Variants in NYX observed in about 807,000 individuals in gnomAD.
NYX encodes nyctalopin.
For synonymous variants in NYX, 258 were observed against 245.7 expected (o/e 1.05, Z -0.47); for missense variants, 481 against 485.4 (o/e 0.99, Z 0.09).
Position 41,473,481 on chromosome X carries a change from G to A in NYX, c.23-10G>A. The A allele has an allele frequency of 2.1e-6, 2 of 972,027 alleles. No individual in the cohort carries two copies. Among genetic ancestry groups the A allele is most frequent in the Non-Finnish European group, 1.3e-6 (1 of 775,799 alleles). 80.1% of individuals were successfully genotyped at this position (972,027 alleles called of 1,213,427 possible). ...CTCCTTCCCGACTCCCCACCACCCT[G>A]TCCCCGCAGCGGTGGTCCTCGGCCT... is the stretch of plus-strand genomic sequence containing the variant. On this transcript the variant is annotated splice_polypyrimidine_tract_variant and intron_variant, in intron 2 of 2. Transcript: ENST00000378220.
intron 2 of NYX, among the ~76,000 whole-genome samples, chrX:41,463,476 G>T (rs1229149194): frequency 2.8e-5 from 3 of 106,134 alleles, no homozygotes; most frequent in African/African-American, 6.9e-5. Flanking sequence ...AGGCTGGAGT[G>T]CAGTGGCGCA....
At chrX:41,467,997 T>C (rs1176533469) in intron 2 of NYX, among the ~76,000 whole-genome samples, 2 of 111,539 alleles carry the variant, frequency 1.8e-5, no homozygotes, top group African/African-American at 6.5e-5. Context: ...TCCAGTAAAT[T>C]AGTTATTGCT....
Position 41,473,852 on chromosome X carries a change from G to A in NYX, c.384G>A (p.Ala128=). The A allele has an allele frequency of 1.8e-6, 2 of 1,104,320 alleles. No individual in the cohort carries two copies. Among genetic ancestry groups the A allele is most frequent in the Non-Finnish European group, 2.4e-6 (2 of 849,840 alleles). The allele number at this position is 1,104,320 out of a possible 1,213,427, so 91.0% of individuals were successfully genotyped here. A position where few individuals can be genotyped will look rare whatever the true frequency, so the allele number is the denominator to read the frequency against. Residue 128 remains alanine (A), a synonymous_variant, in exon 3 of 3, where the codon GCG becomes GCA. Coordinates refer to ENST00000378220, the MANE Select transcript of NYX (RefSeq NM_001378477.3). ...LRYLHARTFA[A]LSRLRRLDLA... ...ACCTGCACGCGCGCACCTTCGCGGC[G>A]CTCAGCCGCCTGCGCCGCCTAGACC...
At chrX:41,453,091 C>G (rs1468618227) in intron 2 of NYX, among the ~76,000 whole-genome samples, 4 of 112,518 alleles carry the variant, frequency 3.6e-5, no homozygotes, top group Non-Finnish European at 7.5e-5. Flanking sequence ...GGCTCAAGTT[C>G]TTTTAAAACA....
rs59383905 is a variant in NYX, at chrX:41,460,876, A to ATTTT, written c.23-12588_23-12585dup. Among the ~76,000 whole-genome samples, 155 of 24,752 alleles carry ATTTT rather than the reference A, an allele frequency of 6.3e-3. 8 individuals carry two copies. Among genetic ancestry groups the ATTTT allele is most frequent in the Non-Finnish European group, 7.0e-3 (102 of 14,518 alleles). 21.5% of individuals were successfully genotyped at this position (24,752 alleles called of 115,157 possible). ...ATGTAAGCGGAGTCACACAGTATGT[A>ATTTT]TTTTTTTTTTTTTTTTTTTTTTTTT... On this transcript the variant is annotated intron_variant, in intron 2 of 2. Coordinates refer to ENST00000378220, the MANE Select transcript of NYX (RefSeq NM_001378477.3).
At position 41,473,702 on chromosome X, in the gene NYX, C is replaced by T. The variant is rs1365940871; in HGVS notation, c.234C>T (p.Gly78=). ...GLRFLGERAF[G]TLPSLRRLSL... is the part of the protein sequence containing the mutation. ...GCTTCCTGGGCGAGCGAGCCTTCGG[C>T]ACGCTGCCGTCCTTGCGCCGCCTGT... is the stretch of plus-strand genomic sequence containing the variant. Residue 78 remains glycine, a synonymous_variant, in exon 3 of 3, where the codon GGC becomes GGT. Coordinates refer to ENST00000378220, the MANE Select transcript of NYX (RefSeq NM_001378477.3). 1 of 1,145,031 alleles carries T rather than the reference C, an allele frequency of 8.7e-7. No homozygotes were observed. The highest frequency in any genetic ancestry group is 1.2e-6 in the Non-Finnish European group (1 of 867,849). The allele number at this position is 1,145,031 out of a possible 1,213,427, so 94.4% of individuals were successfully genotyped here. A position where few individuals can be genotyped will look rare whatever the true frequency, so the allele number is the denominator to read the frequency against.
Position 41,466,384 on chromosome X carries a change from G to A in NYX, c.23-7107G>A, listed in dbSNP as rs184701926. ...TGTGGTGAACCGAGATTGCACCACC[G>A]CACTCCAGCCTGGGCAACGGAGAGA... is the stretch of plus-strand genomic sequence containing the variant. On this transcript the variant is annotated intron_variant, in intron 2 of 2. Coordinates refer to ENST00000378220, the MANE Select transcript of NYX (RefSeq NM_001378477.3). 2.6e-3 allele frequency among the ~76,000 whole-genome samples: 283 copies of A among 109,546 alleles called. 1 individual carries two copies. Among genetic ancestry groups the A allele is most frequent in the African/African-American group, 7.6e-3 (228 of 30,125 alleles).
In NYX at chrX:41,475,062, G is replaced by T; in HGVS notation, c.*163G>T. The T allele has an allele frequency of 1.0e-5, 5 of 491,333 alleles. No homozygotes were observed. Among genetic ancestry groups the T allele is most frequent in the Non-Finnish European group, 1.8e-5 (5 of 279,949 alleles). The allele number at this position is 491,333 out of a possible 1,213,427, so 40.5% of individuals were successfully genotyped here. On this transcript the variant is annotated 3_prime_UTR_variant, in exon 3 of 3. Transcript: ENST00000378220. ...GGGAGAACACAGGGACGTGCCACTC[G>T]AGGGGGAGGATGGTATGGATTTCTG...
Position 41,473,664 on chromosome X carries a change from C to T in NYX, c.196C>T (p.Arg66Trp), listed in dbSNP as rs1262316383. 1.8e-6 allele frequency: 2 copies of T among 1,108,502 alleles called. No individual in the cohort carries two copies. The highest frequency in any genetic ancestry group is 1.9e-5 in the African/African-American group (1 of 52,308). The allele number at this position is 1,108,502 out of a possible 1,213,427, so 91.4% of individuals were successfully genotyped here. The change falls in exon 3 of 3, where the codon CGG becomes TGG. Residue 66 changes from arginine to tryptophan, a missense_variant. Physicochemically the swap from Arg to Trp is moderately radical, Grantham distance 101. Coordinates refer to ENST00000378220, the MANE Select transcript of NYX (RefSeq NM_001378477.3). ...CGAGGCGGTCTCCATCGACCTGGAC[C>T]GGAACGGCCTGCGCTTCCTGGGCGA... ...PCEAVSIDLD[R>W]NGLRFLGERA...
chrX:41,458,482 C>T (rs180712677), intron 2 of NYX, among the ~76,000 whole-genome samples: 186 of 110,951 alleles, frequency 1.7e-3, no homozygotes, highest in African/African-American at 5.4e-3. Flanking sequence ...CTTTTTGAGA[C>T]GGAGTCTCAC....
At chrX:41,473,197 G>C (rs2064368879) in intron 2 of NYX, among the ~76,000 whole-genome samples, 1 of 112,112 alleles carries the variant, frequency 8.9e-6, no homozygotes, top group Non-Finnish European at 1.9e-5. Flanking sequence ...GAGCACACAA[G>C]TGGTGGTACA....
chrX:41,459,896 A>G, intron 2 of NYX, among the ~76,000 whole-genome samples: 1 of 105,327 alleles, frequency 9.5e-6, no homozygotes, highest in African/African-American at 3.5e-5. Flanking sequence ...TCTTGGGCAA[A>G]TACCTAGGAG....
At chrX:41,451,779 G>A (rs2064281010) in intron 2 of NYX, among the ~76,000 whole-genome samples, 1 of 111,179 alleles carries the variant, frequency 9.0e-6, no homozygotes. Context: ...CTCCCAAAGT[G>A]CTGGGATTGC....
intron 2 of NYX, among the ~76,000 whole-genome samples, chrX:41,463,812 AC>A (rs771770911): frequency 4.7e-5 from 5 of 107,437 alleles, no homozygotes; most frequent in Non-Finnish European, 7.7e-5. Flanking sequence ...CAGGTGATCC[AC>A]CCCCCCATCG....
rs771468489 is a variant in NYX at position 41,474,031 on chromosome X, G to T, written c.563G>T (p.Arg188Leu). ...ACGCACGCGCACCTGGAGCGCGGCC[G>T]CATCGAGGCGGTGGCCTCCAGCTCG... ...NLTHAHLERGRIEAVASSSLQ... is the reference protein window; with the variant it reads ...NLTHAHLERGLIEAVASSSLQ... Residue 188 changes from arginine (R) to leucine (L), a missense_variant, in exon 3 of 3, where the codon CGC (arginine) becomes CTC (leucine). Physicochemically the swap from Arg to Leu is moderately radical, Grantham distance 102 (BLOSUM62 -2). Coordinates refer to ENST00000378220, the MANE Select transcript of NYX (RefSeq NM_001378477.3). 4.8e-6 allele frequency: 5 copies of T among 1,049,171 alleles called. No homozygotes were observed. In the East Asian group the frequency reaches 2.1e-4, roughly 43 times the overall value. The allele number at this position is 1,049,171 out of a possible 1,213,427, so 86.5% of individuals were successfully genotyped here.
At position 41,463,330 on chromosome X, in the gene NYX, C is replaced by T. The variant is rs181463314; in HGVS notation, c.23-10161C>T. Among the ~76,000 whole-genome samples, 231 of 111,578 alleles carry T rather than the reference C, an allele frequency of 2.1e-3. 1 individual carries two copies. The highest frequency in any genetic ancestry group is 7.1e-3 in the African/African-American group (218 of 30,857). On this transcript the variant is annotated intron_variant, in intron 2 of 2. Coordinates refer to ENST00000378220, the MANE Select transcript of NYX (RefSeq NM_001378477.3). ...TTCATGTAATTGTTGTCATAGTTTT[C>T]ATTTACGTGTTTTAAACTCCACAAT...
At chrX:41,455,755 C>T (rs1754375612) in intron 2 of NYX, among the ~76,000 whole-genome samples, 1 of 111,652 alleles carries the variant, frequency 9.0e-6, no homozygotes, top group South Asian at 3.7e-4. Context: ...TGAGTTTCAC[C>T]TTCTCTTTTC....
intron 2 of NYX, among the ~76,000 whole-genome samples, chrX:41,450,493 A>T (rs2064275002): frequency 9.2e-6 from 1 of 109,127 alleles, no homozygotes; most frequent in South Asian, 3.9e-4. Flanking sequence ...CTGGTCTTGA[A>T]CTCATGGCCT....
chrX:41,450,922 G>A (rs1018264848), intron 2 of NYX, among the ~76,000 whole-genome samples: 1 of 101,661 alleles, frequency 9.8e-6, no homozygotes, highest in Admixed American at 1.1e-4. Context: ...CTGACCTCAA[G>A]TGATCTGCCC....
Sources: gnomAD v4.1 joint callset for allele counts (sites outside exome capture counted in the v4.1 genomes callset) on GRCh38, gnomAD v4.1.1 for gene constraint, MANE v1.5 for transcripts, NCBI Gene and HGNC (gene_info 2026-07-23, HGNC 2026-07-21) for gene names.